LMAN1L: variants seen among roughly 807,000 people sequenced by gnomAD.
The protein encoded by LMAN1L is protein ERGIC-53-like.
Under a neutral mutation model 58.3 loss-of-function variants are expected in LMAN1L, and 60 were observed. That is an observed-to-expected ratio of 1.03 (90% CI 0.84 to 1.27). LMAN1L has a LOEUF of 1.27. Among genes scored for constraint, LMAN1L ranks in the 50% most tolerant of loss-of-function variants. The pLI is 0.00. For missense variants in LMAN1L, 629 were observed against 674.0 expected (o/e 0.93, Z 0.74); for synonymous variants, 280 against 271.6 (o/e 1.03, Z -0.31).
Position 74,812,950 on chromosome 15 carries a change from G to T in LMAN1L, c.96G>T (p.Arg32Ser). 6.2e-7 allele frequency: 1 copy of T among 1,614,136 alleles called. No individual in the cohort carries two copies. Among genetic ancestry groups the T allele is most frequent in the Non-Finnish European group, 8.5e-7 (1 of 1,180,012 alleles). Reference protein sequence around the residue: ...SPETGCPPLRRFEYKLSFKGP... With the variant: ...SPETGCPPLRSFEYKLSFKGP... Reference sequence around the variant, plus strand: ...AGACGGGGTGTCCTCCTCTACGCAGGTTTGAGTACAAGCTCAGCTTCAAAG... The same window carrying T: ...AGACGGGGTGTCCTCCTCTACGCAGTTTTGAGTACAAGCTCAGCTTCAAAG... Residue 32 changes from arginine (R) to serine (S), a missense_variant, in exon 1 of 14, where the codon AGG becomes AGT. Transcript: ENST00000309664.
chr15:74,819,777 A>AT, intron 6 of LMAN1L: 1 of 563,816 alleles, frequency 1.8e-6, no homozygotes, highest in South Asian at 2.0e-5. Flanking sequence ...GTCTGCTGCC[A>AT]TGGCTCTAGC....
chr15:74,819,036 C>T, intron 5 of LMAN1L, 116 bp from the exon 6 acceptor site: 1 of 1,295,330 alleles, frequency 7.7e-7, no homozygotes, highest in Non-Finnish European at 1.1e-6. Context: ...GTGCGGGTCA[C>T]CTCCATGCCA....
At chr15:74,813,950 AC>A (rs1706251191) in intron 1 of LMAN1L, among the ~76,000 whole-genome samples, 1 of 151,840 alleles carries the variant, frequency 6.6e-6, no homozygotes, top group Non-Finnish European at 1.5e-5. Context: ...AAATGGTGAA[AC>A]CCTGACTCTA....
chr15:74,819,009 C>A, intron 5 of LMAN1L, 143 bp from the exon 6 acceptor site: 1 of 1,081,232 alleles, frequency 9.2e-7, no homozygotes, highest in Non-Finnish European at 1.4e-6. Flanking sequence ...CATGTAAGGG[C>A]TCACATGAGA....
rs1453577345 is a variant in LMAN1L at position 74,824,372 on chromosome 15, C to T, written c.1345C>T (p.Arg449Cys). The change falls in exon 13 of 14, where the codon CGC becomes TGC. Residue 449 changes from arginine (R) to cysteine (C), a missense_variant. Coordinates refer to ENST00000309664, the MANE Select transcript of LMAN1L (RefSeq NM_021819.3). ...TCAGAAGGCAGCAGCCAAGGCCCCC[C>T]GCCCACCTGGCCAGCCCCCAAGGGC... ...GPAKAAAKAP[R>C]PPGQPPRASS... The T allele has an allele frequency of 9.9e-6, 16 of 1,613,792 alleles. No individual in the cohort carries two copies. The highest frequency in any genetic ancestry group is 1.3e-5 in the African/African-American group (1 of 74,912).
rs1247962823 is a variant in LMAN1L at position 74,812,978 on chromosome 15, C to T, written c.124C>T (p.Pro42Ser). The T allele has an allele frequency of 1.2e-6, 2 of 1,614,056 alleles. No homozygotes were observed. Among genetic ancestry groups the T allele is most frequent in the South Asian group, 2.2e-5 (2 of 91,076 alleles). The change falls in exon 1 of 14, where the codon CCA (proline) becomes TCA (serine). Residue 42 changes from proline to serine, a missense_variant. This residue lies in a region of LMAN1L where 573 missense variants were observed against 597.3 expected (regional missense o/e 0.96). Coordinates refer to ENST00000309664, the MANE Select transcript of LMAN1L (RefSeq NM_021819.3). ...TGAGTACAAGCTCAGCTTCAAAGGCCCAAGGCTGGCATTGCCTGGGGCTGG... is the reference window on the plus strand; with the variant it reads ...TGAGTACAAGCTCAGCTTCAAAGGCTCAAGGCTGGCATTGCCTGGGGCTGG... ...RFEYKLSFKGPRLALPGAGIP... is the reference protein window; with the variant it reads ...RFEYKLSFKGSRLALPGAGIP...
rs1021951807 is a variant in LMAN1L, at chr15:74,812,956, G to A, written c.102G>A (p.Glu34=). The A allele has an allele frequency of 2.5e-6, 4 of 1,613,938 alleles. No individual in the cohort carries two copies. In the African/African-American group the frequency reaches 5.3e-5, roughly 22 times the overall value. Residue 34 remains glutamate (E), a synonymous_variant, in exon 1 of 14, where the codon GAG becomes GAA. Coordinates refer to ENST00000309664, the MANE Select transcript of LMAN1L (RefSeq NM_021819.3). ...ETGCPPLRRF[E]YKLSFKGPRL... ...GGTGTCCTCCTCTACGCAGGTTTGAGTACAAGCTCAGCTTCAAAGGCCCAA... is the reference window on the plus strand; with the variant it reads ...GGTGTCCTCCTCTACGCAGGTTTGAATACAAGCTCAGCTTCAAAGGCCCAA...
At chr15:74,813,138 G>A (rs749453643) in intron 1 of LMAN1L, 109 bp downstream of exon 1, 1 of 1,273,540 alleles carries the variant, frequency 7.9e-7, no homozygotes, top group Non-Finnish European at 1.1e-6. Context: ...GTCCAGGGTG[G>A]GGCAAGGCCT....
rs576257458 is a variant in LMAN1L, at chr15:74,824,499, G to A, written c.1451+21G>A. On this transcript the variant is annotated intron_variant, in intron 13 of 13. Transcript: ENST00000309664. ...TTCAGGTGGGCCACCCCGTGAGCAG[G>A]ATTTCCCACAGCACTGGCATCTCTT... 15 of 1,613,844 alleles carry A rather than the reference G, an allele frequency of 9.3e-6. No homozygotes were observed. The South Asian group carries it at 1.4e-4, about 15-fold the overall frequency.
rs370022093 is a variant in LMAN1L at position 74,816,571 on chromosome 15, C to G, written c.438+37C>G. On this transcript the variant is annotated intron_variant, in intron 3 of 13. Transcript: ENST00000309664. ...TCTCCTGCCTGCCAGCCCGCCTGCC[C>G]GCTCACACCCTCCCCCTCCCGCCAT... 252 of 1,584,608 alleles carry G rather than the reference C, an allele frequency of 1.6e-4. No homozygotes were observed. The African/African-American group carries it at 2.9e-3, about 18-fold the overall frequency.
intron 6 of LMAN1L, 164 bp from the exon 7 acceptor site, chr15:74,819,880 C>CA: frequency 1.5e-6 from 1 of 689,116 alleles, no homozygotes. Flanking sequence ...GTCTACCTGT[C>CA]AACCCTCACA....
chr15:74,816,402 G>A, intron 2 of LMAN1L, 25 bp from the exon 3 acceptor site: 3 of 1,575,004 alleles, frequency 1.9e-6, no homozygotes, highest in Non-Finnish European at 2.6e-6. Context: ...ACGGTTCCCT[G>A]AGCTGAGGGG....
At chr15:74,822,544 C>T (rs959861891) in intron 10 of LMAN1L, 98 bp from the exon 11 acceptor site, 4 of 925,908 alleles carry the variant, frequency 4.3e-6, no homozygotes, top group African/African-American at 1.6e-5. Flanking sequence ...TCTGGGAAGG[C>T]CTCTGGAAGG....
chr15:74,813,244 C>A, intron 1 of LMAN1L: 1 of 661,642 alleles, frequency 1.5e-6, no homozygotes, highest in Non-Finnish European at 2.8e-6. Flanking sequence ...TTCTCCTCTG[C>A]CTCTCTGCTT....
Position 74,820,380 on chromosome 15 carries a change from GC to G in LMAN1L, c.775-253del, listed in dbSNP as rs2063910831. The G allele has an allele frequency of 1.3e-4, 79 of 622,776 alleles. 1 individual carries two copies. In the South Asian group the frequency reaches 1.5e-3, roughly 12 times the overall value. 38.6% of individuals were successfully genotyped at this position (622,776 alleles called of 1,614,324 possible). On this transcript the variant is annotated intron_variant, in intron 7 of 13. Transcript: ENST00000309664. ...GAGCACAGAGGAGGAGTCCCAACCA[GC>G]CAGGGGGTCAAGGAAGGCTGCCTGG...
intron 13 of LMAN1L, chr15:74,824,763 C>A (rs556194375): frequency 1.5e-4 from 52 of 342,544 alleles, no homozygotes; most frequent in Non-Finnish European, 2.0e-4. Context: ...TGAGGGGCTA[C>A]GAGAGTGCAG....
chr15:74,814,145 T>C (rs1596377251), intron 1 of LMAN1L, among the ~76,000 whole-genome samples: 2 of 145,702 alleles, frequency 1.4e-5, no homozygotes, highest in South Asian at 4.5e-4. Flanking sequence ...AAAAAAAAGA[T>C]GTGAGTTCTG....
Position 74,818,844 on chromosome 15 carries a change from G to C in LMAN1L, c.597+27G>C, listed in dbSNP as rs911871443. ...TGAGTCACCCTTCCTGCTTCTGACA[G>C]GGCTCTGAGTTACAGAGCTGCTATG... On this transcript the variant is annotated intron_variant, in intron 5 of 13. Coordinates refer to ENST00000309664, the MANE Select transcript of LMAN1L (RefSeq NM_021819.3). 2.5e-6 allele frequency: 4 copies of C among 1,573,932 alleles called. No individual in the cohort carries two copies. In the African/African-American group the frequency reaches 5.4e-5, roughly 21 times the overall value.
chr15:74,821,570 T>C (rs564280658), intron 9 of LMAN1L, among the ~76,000 whole-genome samples: 2 of 152,314 alleles, frequency 1.3e-5, no homozygotes, highest in Admixed American at 1.3e-4. Flanking sequence ...AGAAGCCTCA[T>C]TGCATCTCCA....
Sources: gnomAD v4.1 joint callset for allele counts (sites outside exome capture counted in the v4.1 genomes callset) on GRCh38, gnomAD v4.1.1 for gene constraint, gnomAD v4.1.1 regional missense constraint, MANE v1.5 for transcripts, NCBI Gene and HGNC (gene_info 2026-07-23, HGNC 2026-07-21) for gene names.